PIK3R5: variants seen among roughly 807,000 people sequenced by gnomAD.
The protein encoded by PIK3R5 is phosphoinositide 3-kinase regulatory subunit 5.
PIK3R5 carries 32 observed loss-of-function variants against 94.9 expected under a neutral mutation model. The observed-to-expected ratio is 0.34, with a 90% confidence interval of 0.25 to 0.45. The LOEUF (loss-of-function observed/expected upper bound fraction) is 0.45. Ranked by LOEUF, PIK3R5 falls within the 20% of genes least tolerant of loss-of-function variation. PIK3R5 has a pLI of 1.00. For missense variants in PIK3R5, 853 were observed against 1,144.6 expected (o/e 0.75, Z 3.68); for synonymous variants, 443 against 479.4 (o/e 0.92, Z 0.99).
chr17:8,951,198 A>G (rs908279762), intron 1 of PIK3R5, among the ~76,000 whole-genome samples: 2 of 152,192 alleles, frequency 1.3e-5, no homozygotes, highest in Admixed American at 6.5e-5. Context: ...GACTCTGGAT[A>G]TTAGACCTTT....
chr17:8,904,635 TC>T lies in PIK3R5; in HGVS notation c.412+141del. 2 of 749,906 alleles carry T rather than the reference TC, an allele frequency of 2.7e-6. No homozygotes were observed. Among genetic ancestry groups the T allele is most frequent in the Non-Finnish European group, 4.5e-6 (2 of 448,416 alleles). 46.5% of individuals were successfully genotyped at this position (749,906 alleles called of 1,614,324 possible). ...CTTGATGGTGCTGTGAAGAGGAGAC[TC>T]CATGTTTGTGAACCAAGGCGTTGGC... On this transcript the variant is annotated intron_variant, in intron 5 of 18. Transcript: ENST00000447110. This position sits in a 1 kb window ranked among gnomAD's most constrained non-coding sequence, Gnocchi z 5.1.
At chr17:8,913,421 G>A (rs778252391) in intron 1 of PIK3R5, among the ~76,000 whole-genome samples, 7 of 152,188 alleles carry the variant, frequency 4.6e-5, no homozygotes, top group East Asian at 1.9e-4. Context: ...AACTTTTCAC[G>A]GGTGGCTGGG....
At position 8,890,658 on chromosome 17, in the gene PIK3R5, C is replaced by T. The variant is rs553344043; in HGVS notation, c.657+80G>A. ...AGGAGACTAAGTGTACCCTGGAGACCGTGGCTGAGATGAAGCAGGGAGAGG... is the reference window on the plus strand; with the variant it reads ...AGGAGACTAAGTGTACCCTGGAGACTGTGGCTGAGATGAAGCAGGGAGAGG... On this transcript the variant is annotated intron_variant, in intron 7 of 18. Coordinates refer to ENST00000447110, the MANE Select transcript of PIK3R5 (RefSeq NM_001142633.3). The surrounding 1 kb of genome is among the most constrained non-coding windows in gnomAD (Gnocchi z 6.1). The T allele has an allele frequency of 4.2e-5, 54 of 1,273,318 alleles. No individual in the cohort carries two copies. The highest frequency in any genetic ancestry group is 4.4e-4 in the Middle Eastern group (2 of 4,558). The allele number at this position is 1,273,318 out of a possible 1,614,324, so 78.9% of individuals were successfully genotyped here.
At chr17:8,927,288 G>C (rs193095395) in intron 1 of PIK3R5, among the ~76,000 whole-genome samples, 1 of 152,324 alleles carries the variant, frequency 6.6e-6, no homozygotes, top group Admixed American at 6.5e-5. Flanking sequence ...AAACTCCACA[G>C]GGAAAATTGT....
chr17:8,926,202 C>G (rs2090880754), intron 1 of PIK3R5, among the ~76,000 whole-genome samples: 1 of 152,084 alleles, frequency 6.6e-6, no homozygotes, highest in South Asian at 2.1e-4. Flanking sequence ...GATCTGGTGA[C>G]ATGGAGGGTT....
Position 8,888,912 on chromosome 17 carries a change from C to A in PIK3R5, c.896-21G>T. 5 of 1,582,258 alleles carry A rather than the reference C, an allele frequency of 3.2e-6. No individual in the cohort carries two copies. The highest frequency in any genetic ancestry group is 4.3e-6 in the Non-Finnish European group (5 of 1,168,278). On this transcript the variant is annotated intron_variant, in intron 9 of 18. Transcript: ENST00000447110. The surrounding 1 kb of genome is among the most constrained non-coding windows in gnomAD (Gnocchi z 7.8). ...GATGTCTGCAGGGAAGCAAGGCCAGCACTGTCTGGGCGTCTGGGCCCCGGA... is the reference window on the plus strand; with the variant it reads ...GATGTCTGCAGGGAAGCAAGGCCAGAACTGTCTGGGCGTCTGGGCCCCGGA...
At position 8,881,520 on chromosome 17, in the gene PIK3R5, T is replaced by C; in HGVS notation, c.2382+110A>G. On this transcript the variant is annotated intron_variant, in intron 17 of 18. Coordinates refer to ENST00000447110, the MANE Select transcript of PIK3R5 (RefSeq NM_001142633.3). The surrounding 1 kb of genome is among the most constrained non-coding windows in gnomAD (Gnocchi z 4.8). ...ACAAGTATGTACACACGGGTGTGTA[T>C]GTGCACACATGCACACACATACATG... 1.2e-6 allele frequency: 1 copy of C among 854,684 alleles called. No individual in the cohort carries two copies. The highest frequency in any genetic ancestry group is 2.0e-5 in the Admixed American group (1 of 49,178). 52.9% of individuals were successfully genotyped at this position (854,684 alleles called of 1,614,324 possible). A position where few individuals can be genotyped will look rare whatever the true frequency, so the allele number is the denominator to read the frequency against.
In PIK3R5 at chr17:8,911,379, C is replaced by T. The variant is rs1053407166; in HGVS notation, c.103+13G>A. On this transcript the variant is annotated intron_variant, in intron 2 of 18. Transcript: ENST00000447110. The surrounding 1 kb of genome is among the most constrained non-coding windows in gnomAD (Gnocchi z 5.3). ...TGAGCCCTCAAACACCTCCCCGGCTCCCTTGGACCGACCTGACCAGGAGGT... is the reference window on the plus strand; with the variant it reads ...TGAGCCCTCAAACACCTCCCCGGCTTCCTTGGACCGACCTGACCAGGAGGT... 6.3e-7 allele frequency: 1 copy of T among 1,596,194 alleles called. No individual in the cohort carries two copies. Among genetic ancestry groups the T allele is most frequent in the African/African-American group, 1.3e-5 (1 of 74,850 alleles).
chr17:8,900,516 G>T (rs1258792093), intron 5 of PIK3R5, among the ~76,000 whole-genome samples: 1 of 152,212 alleles, frequency 6.6e-6, no homozygotes, highest in African/African-American at 2.4e-5. Flanking sequence ...CTTGGCTTGA[G>T]CTGCCCTCTT....
chr17:8,958,720 T>C (rs1446264093), intron 1 of PIK3R5, among the ~76,000 whole-genome samples: 4 of 151,674 alleles, frequency 2.6e-5, no homozygotes, highest in Non-Finnish European at 5.9e-5. Flanking sequence ...CTGTTTATAT[T>C]CATGTGTGTG....
Position 8,950,323 on chromosome 17 carries a change from G to A in PIK3R5, c.-14+15273C>T, listed in dbSNP as rs922908192. The stretch of plus-strand genomic sequence containing the variant: ...AAAATATATGCAATATAAAATTTAC[G>A]ATTGTAAGTATTTTTTTAATTCCAA... On this transcript the variant is annotated intron_variant, in intron 1 of 18. Coordinates refer to ENST00000447110, the MANE Select transcript of PIK3R5 (RefSeq NM_001142633.3). 3.7e-4 allele frequency among the ~76,000 whole-genome samples: 56 copies of A among 152,220 alleles called. 1 individual carries two copies. The highest frequency in any genetic ancestry group is 1.2e-3 in the African/African-American group (50 of 41,520).
intron 1 of PIK3R5, among the ~76,000 whole-genome samples, chr17:8,947,868 C>A (rs1352849228): frequency 1.3e-5 from 2 of 151,418 alleles, no homozygotes; most frequent in Non-Finnish European, 2.9e-5. Context: ...ACGGTGAAAT[C>A]CCATCTCTAC....
At chr17:8,913,837 G>T (rs2090578646) in intron 1 of PIK3R5, among the ~76,000 whole-genome samples, 1 of 152,224 alleles carries the variant, frequency 6.6e-6, no homozygotes. Context: ...AGTTGCCTTT[G>T]GATCTTCTGT....
Position 8,909,059 on chromosome 17 carries a change from C to T in PIK3R5, c.204+15G>A, listed in dbSNP as rs1418356216. 6.5e-7 allele frequency: 1 copy of T among 1,542,398 alleles called. No individual in the cohort carries two copies. Among genetic ancestry groups the T allele is most frequent in the Non-Finnish European group, 8.9e-7 (1 of 1,120,488 alleles). ...CGACCCCAGATCTGCCCTTCAATTC[C>T]TGACTCCCCCTCACCTCTCGGGTCT... On this transcript the variant is annotated intron_variant, in intron 3 of 18. Transcript: ENST00000447110. The surrounding 1 kb of genome is among the most constrained non-coding windows in gnomAD (Gnocchi z 4.3).
intron 1 of PIK3R5, chr17:8,916,249 G>A (rs1029974069): frequency 4.6e-5 from 7 of 152,286 alleles, no homozygotes; most frequent in Middle Eastern, 3.2e-3. Flanking sequence ...GCTCATTTCC[G>A]TCTGAGTCAG....
Position 8,889,447 on chromosome 17 carries a change from C to T in PIK3R5, c.812-225G>A, listed in dbSNP as rs188202375. 2.6e-5 allele frequency among the ~76,000 whole-genome samples: 4 copies of T among 152,146 alleles called. No individual in the cohort carries two copies. Among genetic ancestry groups the T allele is most frequent in the African/African-American group, 7.2e-5 (3 of 41,414 alleles). On this transcript the variant is annotated intron_variant, in intron 8 of 18. Transcript: ENST00000447110. The surrounding 1 kb of genome is among the most constrained non-coding windows in gnomAD (Gnocchi z 4.1). ...GATGGCATGCCCTTTATGAGCTGTGCGAATGTGGCCAAACCACAACCTCTG... is the reference window on the plus strand; with the variant it reads ...GATGGCATGCCCTTTATGAGCTGTGTGAATGTGGCCAAACCACAACCTCTG...
chr17:8,958,930 G>A (rs2091511089), intron 1 of PIK3R5, among the ~76,000 whole-genome samples: 1 of 152,058 alleles, frequency 6.6e-6, no homozygotes. Context: ...GCTAATATTT[G>A]TATTTTTAGT....
chr17:8,956,511 G>A (rs2091468940), intron 1 of PIK3R5, among the ~76,000 whole-genome samples: 1 of 152,186 alleles, frequency 6.6e-6, no homozygotes, highest in Non-Finnish European at 1.5e-5. Context: ...GTTGGTCCAG[G>A]AGGAAACAGA....
intron 1 of PIK3R5, among the ~76,000 whole-genome samples, chr17:8,953,759 C>G (rs910319082): frequency 6.6e-6 from 1 of 152,176 alleles, no homozygotes; most frequent in African/African-American, 2.4e-5. Context: ...CCTTCCAAGA[C>G]CTTTCCAGAT....
Sources: gnomAD v4.1 joint callset for allele counts (sites outside exome capture counted in the v4.1 genomes callset) on GRCh38, gnomAD v4.1.1 for gene constraint, Gnocchi (gnomAD v3.1) non-coding constraint, MANE v1.5 for transcripts, NCBI Gene and HGNC (gene_info 2026-07-23, HGNC 2026-07-21) for gene names.